The following NINJ2 variants were observed in gnomAD, a reference collection of about 807,000 sequenced individuals.
NINJ2 encodes ninjurin-2.
In NINJ2, 12 loss-of-function variants were observed where a neutral mutation model predicts 11.7. The observed-to-expected ratio is 1.02, with a 90% confidence interval of 0.66 to 1.66. The LOEUF (loss-of-function observed/expected upper bound fraction) is 1.66. NINJ2 is among the 40% of genes most tolerant of loss of function. The pLI is 0.00. For synonymous variants in NINJ2, 93 were observed against 76.8 expected (o/e 1.21, Z -1.10); for missense variants, 187 against 181.8 (o/e 1.03, Z -0.16).
chr12:618,740 A>T (rs1948121761), intron 1 of NINJ2, among the ~76,000 whole-genome samples: 1 of 152,188 alleles, frequency 6.6e-6, no homozygotes, highest in Non-Finnish European at 1.5e-5. Context: ...TGCAGGGAAA[A>T]GGAGGCTCTT....
Position 647,657 on chromosome 12 carries a change from T to G in NINJ2, c.33+15671A>C, listed in dbSNP as rs1226903309. On this transcript the variant is annotated intron_variant, in intron 1 of 3. Transcript: ENST00000305108. ...ACTACCTGGGAGAAAGGAGCCAGTC[T>G]TGAAGTCTCCATTTCTCCCATACAT... Among the ~76,000 whole-genome samples the G allele has an allele frequency of 2.0e-5, 3 of 152,352 alleles. No homozygotes were observed. The East Asian group carries it at 5.8e-4, about 29-fold the overall frequency.
At chr12:661,578 C>T (rs935907572) in intron 1 of NINJ2, among the ~76,000 whole-genome samples, 1 of 152,222 alleles carries the variant, frequency 6.6e-6, no homozygotes, top group Non-Finnish European at 1.5e-5. Context: ...CTCCCACCAC[C>T]TCTTTCCTTC....
chr12:602,480 T>C (rs2535392), intron 1 of NINJ2, among the ~76,000 whole-genome samples: 91,555 of 152,128 alleles, frequency 0.6, 27,980 homozygotes, highest in African/African-American at 0.7. Context: ...CTTTTTATCA[T>C]TGAATAGATA....
chr12:634,265 C>CTTTGTTTTTTTTTTTTTTTTTT (rs1948317588), intron 1 of NINJ2, among the ~76,000 whole-genome samples: 1 of 59,480 alleles, frequency 1.7e-5, no homozygotes, highest in African/African-American at 5.6e-5. Flanking sequence ...AGTTGCAGTT[C>CTTTGTTTTTTTTTTTTTTTTTT]TTTTTTTTTT....
chr12:601,795 G>A (rs1378512831), intron 1 of NINJ2, among the ~76,000 whole-genome samples: 1 of 152,244 alleles, frequency 6.6e-6, no homozygotes, highest in Non-Finnish European at 1.5e-5. Flanking sequence ...GAACCTGGGA[G>A]GCGGAGGTTG....
At chr12:662,410 G>A (rs1455326652) in intron 1 of NINJ2, among the ~76,000 whole-genome samples, 2 of 120,982 alleles carry the variant, frequency 1.7e-5, no homozygotes, top group Admixed American at 8.4e-5. Context: ...CACAGAGAAC[G>A]AGAGAGAGAG....
At chr12:636,967 C>T (rs182662827) in intron 1 of NINJ2, among the ~76,000 whole-genome samples, 8 of 152,148 alleles carry the variant, frequency 5.3e-5, no homozygotes, top group South Asian at 4.1e-4. Context: ...TTCACAACGG[C>T]GAAAAGAAAC....
chr12:638,461 G>GCTCCAGC (rs1367209165), intron 1 of NINJ2, among the ~76,000 whole-genome samples: 12 of 152,194 alleles, frequency 7.9e-5, no homozygotes, highest in African/African-American at 2.7e-4. Context: ...TGTCACCCAG[G>GCTCCAGC]CTGGAGTGCA....
rs1948306837 is a variant in NINJ2 at position 633,427 on chromosome 12, G to A, written c.33+29901C>T. 6.6e-6 allele frequency among the ~76,000 whole-genome samples: 1 copy of A among 152,092 alleles called. No individual in the cohort carries two copies. The highest frequency in any genetic ancestry group is 1.5e-5 in the Non-Finnish European group (1 of 68,030). On this transcript the variant is annotated intron_variant, in intron 1 of 3. Transcript: ENST00000305108. The surrounding 1 kb of genome is among the most constrained non-coding windows in gnomAD (Gnocchi z 4.3). Reference sequence around the variant, plus strand: ...GCAGGCGAATCACTGGTTCCACCAGGAGGTGGACGCTGCAGTGAGCCGAGA... The same window carrying A: ...GCAGGCGAATCACTGGTTCCACCAGAAGGTGGACGCTGCAGTGAGCCGAGA...
At chr12:570,555 G>A (rs1295646461) in intron 1 of NINJ2, among the ~76,000 whole-genome samples, 2 of 152,234 alleles carry the variant, frequency 1.3e-5, no homozygotes, top group Admixed American at 1.3e-4. Flanking sequence ...TTAAGGCCAG[G>A]CCCAGGCGGG....
chr12:653,291 T>C (rs572246384), intron 1 of NINJ2, among the ~76,000 whole-genome samples: 200 of 152,222 alleles, frequency 1.3e-3, no homozygotes, highest in South Asian at 2.5e-3. Context: ...AGTGCTGGGA[T>C]TACAGGCGTG....
chr12:570,198 CAG>C lies in NINJ2; in HGVS notation c.34-4022_34-4021del, dbSNP rs1452245105. Among the ~76,000 whole-genome samples, 112 of 152,330 alleles carry C rather than the reference CAG, an allele frequency of 7.4e-4. 1 individual carries two copies. Among genetic ancestry groups the C allele is most frequent in the African/African-American group, 2.6e-3 (110 of 41,586 alleles). ...AGGGAGGGGCCTCCAGCACAACCTG[CAG>C]CCGAGGGGACGGCGGGCAGAAGGGC... On this transcript the variant is annotated intron_variant, in intron 1 of 3. Transcript: ENST00000305108.
rs868220138 is a variant in NINJ2, at chr12:651,527, C to T, written c.33+11801G>A. Among the ~76,000 whole-genome samples the T allele has an allele frequency of 6.6e-5, 10 of 152,322 alleles. No individual in the cohort carries two copies. The Middle Eastern group carries it at 0.024, about 363-fold the overall frequency. On this transcript the variant is annotated intron_variant, in intron 1 of 3. Transcript: ENST00000305108. ...TACTAAGGCCTATTTATGGCAGTTC[C>T]TTTTGCCTTATACATACCTATCAAG...
intron 1 of NINJ2, among the ~76,000 whole-genome samples, chr12:655,088 A>G (rs1278805571): frequency 1.3e-5 from 2 of 152,218 alleles, no homozygotes; most frequent in Non-Finnish European, 2.9e-5. Context: ...AAGAATATCT[A>G]CAAAAAGCCT....
Position 566,014 on chromosome 12 carries a change from C to G in NINJ2, c.198G>C (p.Leu66=), listed in dbSNP as rs375742322. The G allele has an allele frequency of 4.3e-6, 7 of 1,614,172 alleles. No homozygotes were observed. Among genetic ancestry groups the G allele is most frequent in the Non-Finnish European group, 5.9e-6 (7 of 1,180,024 alleles). The change falls in exon 2 of 4, where the codon CTG becomes CTC. Residue 66 remains leucine, a synonymous_variant. Coordinates refer to ENST00000305108, the MANE Select transcript of NINJ2 (RefSeq NM_016533.6). ...QGPSSHYYTT[L]VTLISLSLLL... ...GCAGAGAGAGGCTGATGAGGGTGACCAGGGTGGTGTAGTAGTGAGAGGATG... is the reference window on the plus strand; with the variant it reads ...GCAGAGAGAGGCTGATGAGGGTGACGAGGGTGGTGTAGTAGTGAGAGGATG...
At chr12:615,331 G>A (rs1169379370) in intron 1 of NINJ2, among the ~76,000 whole-genome samples, 1 of 152,190 alleles carries the variant, frequency 6.6e-6, no homozygotes, top group Non-Finnish European at 1.5e-5. Flanking sequence ...GCTCATGCCT[G>A]TAATCCCAGC....
chr12:582,178 G>A (rs1433126643), intron 1 of NINJ2, among the ~76,000 whole-genome samples: 1 of 152,274 alleles, frequency 6.6e-6, no homozygotes, highest in Non-Finnish European at 1.5e-5. Flanking sequence ...CAGAGTCCTG[G>A]GGAATCCTTT....
At chr12:609,533 G>A (rs1333435286) in intron 1 of NINJ2, among the ~76,000 whole-genome samples, 1 of 152,174 alleles carries the variant, frequency 6.6e-6, no homozygotes, top group African/African-American at 2.4e-5. Flanking sequence ...ACTTTGGGAG[G>A]CTGAGGCGGG....
At chr12:618,867 C>G (rs1473269060) in intron 1 of NINJ2, among the ~76,000 whole-genome samples, 1 of 152,198 alleles carries the variant, frequency 6.6e-6, no homozygotes, top group Non-Finnish European at 1.5e-5. Flanking sequence ...TGGCTCTAGA[C>G]TCAGATGGTT....
Sources: gnomAD v4.1 joint callset for allele counts (sites outside exome capture counted in the v4.1 genomes callset) on GRCh38, gnomAD v4.1.1 for gene constraint, Gnocchi (gnomAD v3.1) non-coding constraint, MANE v1.5 for transcripts, NCBI Gene and HGNC (gene_info 2026-07-23, HGNC 2026-07-21) for gene names.